The following KCNQ5 variants were observed in gnomAD, a reference collection of about 807,000 sequenced individuals.
KCNQ5 encodes potassium voltage-gated channel subfamily KQT member 5.
KCNQ5 carries 30 observed loss-of-function variants against 98.2 expected under a neutral mutation model. The ratio of observed to expected loss-of-function variants is 0.31; its 90% confidence interval spans 0.23 to 0.41. The LOEUF (loss-of-function observed/expected upper bound fraction) is 0.41. KCNQ5 is among the 10% of genes least tolerant of loss of function. KCNQ5 has a pLI of 1.00. For synonymous variants in KCNQ5, 458 were observed against 449.4 expected (o/e 1.02, Z -0.24); for missense variants, 835 against 1,182.5 (o/e 0.71, Z 4.31).
chr6:72,838,127 C>G (rs866862967), intron 1 of KCNQ5, among the ~76,000 whole-genome samples: 8 of 122,372 alleles, frequency 6.5e-5, no homozygotes, highest in Non-Finnish European at 1.2e-4. Flanking sequence ...CAACAGGCCC[C>G]GACACCAGGT....
chr6:73,160,335 A>G (rs1045337896), intron 10 of KCNQ5, among the ~76,000 whole-genome samples: 3 of 152,074 alleles, frequency 2.0e-5, no homozygotes, highest in Non-Finnish European at 1.5e-5. Context: ...GTTTTTGACA[A>G]TTGGGTTTTA....
At chr6:72,731,125 A>T (rs777441542) in intron 1 of KCNQ5, among the ~76,000 whole-genome samples, 38 of 152,226 alleles carry the variant, frequency 2.5e-4, no homozygotes, top group Admixed American at 8.5e-4. Flanking sequence ...AAATTCCCAC[A>T]GATTAGAAGA....
intron 3 of KCNQ5, among the ~76,000 whole-genome samples, chr6:73,054,751 A>G (rs968568216): frequency 1.3e-5 from 2 of 152,236 alleles, no homozygotes; most frequent in South Asian, 4.1e-4. Context: ...TGAATGAGCA[A>G]AAGCTGGAAG....
chr6:72,784,414 G>A (rs1773635702), intron 1 of KCNQ5, among the ~76,000 whole-genome samples: 1 of 152,166 alleles, frequency 6.6e-6, no homozygotes, highest in South Asian at 2.1e-4. Context: ...TTTCTGCTGT[G>A]GAGGGGAGAA....
At chr6:72,738,461 AT>A (rs571405011) in intron 1 of KCNQ5, among the ~76,000 whole-genome samples, 1 of 152,096 alleles carries the variant, frequency 6.6e-6, no homozygotes, top group Non-Finnish European at 1.5e-5. Context: ...TCCATTTACT[AT>A]TTTTTAGTAT....
chr6:73,066,418 G>A (rs1773061380), intron 3 of KCNQ5, among the ~76,000 whole-genome samples: 2 of 152,124 alleles, frequency 1.3e-5, no homozygotes, highest in African/African-American at 4.8e-5. Context: ...TAAGCTCCAT[G>A]AGGGCAGAAA....
rs570270817 is a variant in KCNQ5, at chr6:72,902,366, T to C, written c.399-101542T>C. Among the ~76,000 whole-genome samples the C allele has an allele frequency of 3.9e-5, 6 of 152,332 alleles. No homozygotes were observed. The South Asian group carries it at 1.2e-3, about 32-fold the overall frequency. On this transcript the variant is annotated intron_variant, in intron 1 of 13. Transcript: ENST00000370398. ...CTTGTCTGATCGCTCTGGCTAGGAC[T>C]TCCAGTACTATGTTGAAGAGGAGTG...
At chr6:72,732,221 G>A (rs1336107723) in intron 1 of KCNQ5, among the ~76,000 whole-genome samples, 2 of 152,092 alleles carry the variant, frequency 1.3e-5, no homozygotes, top group African/African-American at 4.8e-5. Flanking sequence ...CTTCTAGTGT[G>A]GAGTGAGGAG....
In KCNQ5 at chr6:73,194,716, A is replaced by G. The variant is rs775446970; in HGVS notation, c.2101A>G (p.Thr701Ala). Residue 701 changes from threonine to alanine, a missense_variant, in exon 14 of 14, where the codon ACT becomes GCT. This residue lies in a region of KCNQ5 where 416 missense variants were observed against 446.9 expected (regional missense o/e 0.93). Transcript: ENST00000370398. ...ILTPNEFSAQ[T>A]FYALSPTMHS... ...GACGCCAAATGAGTTCAGTGCCCAG[A>G]CTTTCTACGCGCTTAGCCCTACTAT... The G allele has an allele frequency of 8.1e-6, 13 of 1,614,256 alleles. No homozygotes were observed. The highest frequency in any genetic ancestry group is 1.1e-5 in the South Asian group (1 of 91,090).
intron 1 of KCNQ5, among the ~76,000 whole-genome samples, chr6:72,975,020 A>G (rs756673883): frequency 3.5e-4 from 53 of 152,136 alleles, no homozygotes; most frequent in Non-Finnish European, 7.6e-4. Context: ...TACAGGCGTG[A>G]ACCACCACTC....
chr6:72,690,624 A>AT (rs778574177), intron 1 of KCNQ5, among the ~76,000 whole-genome samples: 1 of 152,166 alleles, frequency 6.6e-6, no homozygotes, highest in Non-Finnish European at 1.5e-5. Flanking sequence ...AAGTGTCAAC[A>AT]TAAAGGCTGC....
intron 1 of KCNQ5, among the ~76,000 whole-genome samples, chr6:72,901,224 T>C (rs1162779470): frequency 6.6e-6 from 1 of 151,074 alleles, no homozygotes; most frequent in Non-Finnish European, 1.5e-5. Flanking sequence ...CTGATTTATT[T>C]GAGTTTGTTG....
At chr6:72,924,447 G>C (rs1436992825) in intron 1 of KCNQ5, among the ~76,000 whole-genome samples, 1 of 152,144 alleles carries the variant, frequency 6.6e-6, no homozygotes, top group African/African-American at 2.4e-5. Context: ...TGAAGACTAA[G>C]ATAAAAGCGC....
chr6:72,947,964 AAC>A lies in KCNQ5; in HGVS notation c.399-55942_399-55941del, dbSNP rs549723215. Among the ~76,000 whole-genome samples the A allele has an allele frequency of 3.2e-4, 48 of 152,250 alleles. No homozygotes were observed. The South Asian group carries it at 8.7e-3, about 28-fold the overall frequency. On this transcript the variant is annotated intron_variant, in intron 1 of 13. Coordinates refer to ENST00000370398, the MANE Select transcript of KCNQ5 (RefSeq NM_019842.4). Reference sequence around the variant, plus strand: ...AATATTTTTAAAAAACATTTTAAAAAACAGTTTCATGAAATTCTTAGGGATCC... The same window carrying A: ...AATATTTTTAAAAAACATTTTAAAAAAGTTTCATGAAATTCTTAGGGATCC...
intron 1 of KCNQ5, among the ~76,000 whole-genome samples, chr6:72,791,128 C>CGG (rs1774018117): frequency 6.6e-6 from 1 of 152,098 alleles, no homozygotes; most frequent in East Asian, 1.9e-4. Context: ...CGAGGCCTCT[C>CGG]GGGAGAAGCA....
At chr6:72,639,903 T>C (rs938298050) in intron 1 of KCNQ5, among the ~76,000 whole-genome samples, 1 of 151,964 alleles carries the variant, frequency 6.6e-6, no homozygotes, top group Non-Finnish European at 1.5e-5. Context: ...ATTAAAGTAA[T>C]TGAGAATAAC....
At chr6:72,724,582 TAC>T (rs112570616) in intron 1 of KCNQ5, among the ~76,000 whole-genome samples, 1 of 152,086 alleles carries the variant, frequency 6.6e-6, no homozygotes, top group Admixed American at 6.5e-5. Flanking sequence ...TCCATGAACT[TAC>T]ACACACACAC....
intron 1 of KCNQ5, among the ~76,000 whole-genome samples, chr6:72,902,665 C>A (rs1400376376): frequency 6.6e-6 from 1 of 152,150 alleles, no homozygotes; most frequent in Non-Finnish European, 1.5e-5. Flanking sequence ...ATATGTTAAA[C>A]TATCCCTGCA....
intron 1 of KCNQ5, among the ~76,000 whole-genome samples, chr6:72,699,007 G>A (rs756131409): frequency 6.6e-6 from 1 of 152,076 alleles, no homozygotes; most frequent in Non-Finnish European, 1.5e-5. Context: ...GCAGAATAGA[G>A]TTAACCGTAA....
Sources: allele counts gnomAD v4.1 joint callset (sites outside exome capture counted in the v4.1 genomes callset), GRCh38; gene constraint gnomAD v4.1.1; regional missense constraint gnomAD v4.1.1; transcripts MANE v1.5; gene names NCBI Gene and HGNC (gene_info 2026-07-23, HGNC 2026-07-21).